WIPI1: variants seen among roughly 807,000 people sequenced by gnomAD.
WIPI1 encodes WD repeat domain phosphoinositide-interacting protein 1.
A neutral mutation model predicts 55.3 loss-of-function variants in WIPI1; 45 were observed. The observed-to-expected ratio is 0.81, with a 90% CI of 0.64 to 1.04. The LOEUF (loss-of-function observed/expected upper bound fraction) is 1.04. WIPI1 is among the 50% of genes least tolerant of loss of function. The pLI is 0.00. For missense variants in WIPI1, 445 were observed against 559.0 expected (o/e 0.80, Z 2.06); for synonymous variants, 195 against 217.6 (o/e 0.90, Z 0.92).
chr17:68,438,567 C>G (rs1487413217), intron 4 of WIPI1, among the ~76,000 whole-genome samples: 1 of 152,174 alleles, frequency 6.6e-6, no homozygotes, highest in Non-Finnish European at 1.5e-5. Context: ...CTTACAAATG[C>G]AGTGTGTAAC....
chr17:68,438,852 G>A (rs768577678), intron 4 of WIPI1, among the ~76,000 whole-genome samples: 31 of 152,108 alleles, frequency 2.0e-4, no homozygotes, highest in African/African-American at 5.3e-4. Context: ...CATCTGCCTC[G>A]GCCTCCCAAA....
chr17:68,448,632 T>A (rs1218014337), intron 3 of WIPI1, among the ~76,000 whole-genome samples: 1 of 152,174 alleles, frequency 6.6e-6, no homozygotes, highest in Non-Finnish European at 1.5e-5. Context: ...AGAGAAATCA[T>A]ACAAGCAAAT....
Position 68,428,950 on chromosome 17 carries a change from A to G in WIPI1, c.966-14T>C. 1.9e-6 allele frequency: 3 copies of G among 1,604,076 alleles called. No homozygotes were observed. Among genetic ancestry groups the G allele is most frequent in the Non-Finnish European group, 2.6e-6 (3 of 1,171,686 alleles). On this transcript the variant is annotated splice_polypyrimidine_tract_variant and intron_variant, in intron 9 of 12. Coordinates refer to ENST00000262139, the MANE Select transcript of WIPI1 (RefSeq NM_017983.7). ...AACTTCTGGATCCTAAGGGCCAAGG[A>G]AAACATAAACCGTGATGACAACGAA...
At chr17:68,433,416 A>T in intron 8 of WIPI1, 52 bp downstream of exon 8, 1 of 1,495,502 alleles carries the variant, frequency 6.7e-7, no homozygotes, top group Non-Finnish European at 9.3e-7. Flanking sequence ...AGAAGAGCCT[A>T]GGCCTGACTC....
rs1264328219 is a variant in WIPI1 at position 68,430,154 on chromosome 17, T to G, written c.807A>C (p.Pro269=). The stretch of plus-strand genomic sequence containing the variant: ...AGCCACTCCAGGTCGAAGGCTCTTC[T>G]GGTCGACTAGGGAGTAATGCACAGG... ...FKLEQVTNSR[P]EEPSTWSGYM... The change falls in exon 9 of 13, where the codon CCA becomes CCC. Residue 269 remains proline (P), a synonymous_variant. Transcript: ENST00000262139. 4 of 1,612,652 alleles carry G rather than the reference T, an allele frequency of 2.5e-6. No individual in the cohort carries two copies. Among genetic ancestry groups the G allele is most frequent in the African/African-American group, 1.3e-5 (1 of 74,854 alleles).
chr17:68,434,428 G>A (rs898234797), intron 7 of WIPI1, 128 bp downstream of exon 7: 17 of 857,262 alleles, frequency 2.0e-5, no homozygotes, highest in Admixed American at 2.9e-5. Context: ...ACCTGGGAGA[G>A]TAGTTACACT....
chr17:68,441,525 G>A (rs2084075979), intron 4 of WIPI1, among the ~76,000 whole-genome samples: 1 of 152,174 alleles, frequency 6.6e-6, no homozygotes, highest in East Asian at 1.9e-4. Flanking sequence ...GAACAGATAA[G>A]GCGACTCCTG....
At chr17:68,450,381 C>T (rs1460798181) in intron 3 of WIPI1, among the ~76,000 whole-genome samples, 2 of 152,166 alleles carry the variant, frequency 1.3e-5, no homozygotes, top group Admixed American at 6.5e-5. Flanking sequence ...CCAGAAGAGT[C>T]GCTCCTCTGA....
At chr17:68,431,207 G>A (rs1289366234) in intron 8 of WIPI1, among the ~76,000 whole-genome samples, 1 of 152,218 alleles carries the variant, frequency 6.6e-6, no homozygotes, top group Non-Finnish European at 1.5e-5. Context: ...GTGCTGCACA[G>A]ATGGTCCAGG....
intron 3 of WIPI1, among the ~76,000 whole-genome samples, chr17:68,446,202 A>G (rs1217775731): frequency 1.3e-5 from 2 of 151,630 alleles, no homozygotes; most frequent in African/African-American, 4.8e-5. Flanking sequence ...TTTTTTTCAG[A>G]CAGGGTCTCG....
chr17:68,450,160 C>T (rs2084441192), intron 3 of WIPI1, among the ~76,000 whole-genome samples: 2 of 71,340 alleles, frequency 2.8e-5, no homozygotes, highest in South Asian at 1.1e-3. Flanking sequence ...AAAGAAAATG[C>T]TACAAAAAAA....
intron 2 of WIPI1, 148 bp from the exon 3 acceptor site, chr17:68,451,045 A>T (rs951264843): frequency 1.7e-6 from 2 of 1,158,528 alleles, no homozygotes; most frequent in African/African-American, 3.2e-5. Context: ...TTGCATTGAC[A>T]GTGATCCACC....
intron 3 of WIPI1, among the ~76,000 whole-genome samples, chr17:68,449,104 C>T (rs1468913760): frequency 6.6e-6 from 1 of 152,114 alleles, no homozygotes; most frequent in Non-Finnish European, 1.5e-5. Flanking sequence ...TTAATTAGTA[C>T]TTAAGAGTTT....
At chr17:68,447,231 A>G (rs2084319293) in intron 3 of WIPI1, among the ~76,000 whole-genome samples, 16 of 152,234 alleles carry the variant, frequency 1.1e-4, no homozygotes, top group Admixed American at 1.0e-3. Flanking sequence ...AGGAGACTGC[A>G]AAAGAACTGT....
chr17:68,433,547 T>G lies in WIPI1; in HGVS notation c.721A>C (p.Ser241Arg). 1 of 1,613,930 alleles carries G rather than the reference T, an allele frequency of 6.2e-7. No homozygotes were observed. The highest frequency in any genetic ancestry group is 8.5e-7 in the Non-Finnish European group (1 of 1,180,006). ...GCGCAGAGGAATTGTGAATCCATACTGAACACTAGAGAGCTGATTGTCACA... is the reference window on the plus strand; with the variant it reads ...GCGCAGAGGAATTGTGAATCCATACGGAACACTAGAGAGCTGATTGTCACA... Reference protein sequence around the residue: ...RYVTISSLVFSMDSQFLCASS... With the variant: ...RYVTISSLVFRMDSQFLCASS... The change falls in exon 8 of 13, where the codon AGT becomes CGT. Residue 241 changes from serine (S) to arginine (R), a missense_variant. Coordinates refer to ENST00000262139, the MANE Select transcript of WIPI1 (RefSeq NM_017983.7).
At chr17:68,436,578 A>G in intron 4 of WIPI1, 99 bp from the exon 5 acceptor site, 1 of 1,073,274 alleles carries the variant, frequency 9.3e-7, no homozygotes, top group East Asian at 2.5e-5. Flanking sequence ...AGTGCCACCT[A>G]CTGGCAAGGG....
At chr17:68,421,896 G>A (rs372492424) in intron 12 of WIPI1, 76 bp from the exon 13 acceptor site, 70 of 1,590,556 alleles carry the variant, frequency 4.4e-5, no homozygotes, top group Non-Finnish European at 5.8e-5. Context: ...CAACAGGTCT[G>A]TGCCCATGCA....
At chr17:68,433,359 A>G in intron 8 of WIPI1, 109 bp downstream of exon 8, 1 of 1,052,106 alleles carries the variant, frequency 9.5e-7, no homozygotes, top group Non-Finnish European at 1.4e-6. Flanking sequence ...GTCCCAAGTG[A>G]AGCCAAGATT....
rs554939756 is a variant in WIPI1 at position 68,457,486 on chromosome 17, G to A, written c.-65C>T. ...ACAGCCACCTCAGCAGCCCGCCCGCGCCGGCTCCACGGGCCGGGTCGCCGG... is the reference window on the plus strand; with the variant it reads ...ACAGCCACCTCAGCAGCCCGCCCGCACCGGCTCCACGGGCCGGGTCGCCGG... On this transcript the variant is annotated 5_prime_UTR_variant, in exon 1 of 13. Transcript: ENST00000262139. The A allele has an allele frequency of 1.4e-5, 18 of 1,321,448 alleles. No individual in the cohort carries two copies. In the East Asian group the frequency reaches 3.6e-4, roughly 26 times the overall value. The allele number at this position is 1,321,448 out of a possible 1,614,324, so 81.9% of individuals were successfully genotyped here.
Sources: allele counts gnomAD v4.1 joint callset (sites outside exome capture counted in the v4.1 genomes callset), GRCh38; gene constraint gnomAD v4.1.1; transcripts MANE v1.5; gene names NCBI Gene and HGNC (gene_info 2026-07-23, HGNC 2026-07-21).